RPTOR: variants seen among roughly 807,000 people sequenced by gnomAD.
The protein encoded by RPTOR is regulatory associated protein of MTOR complex 1, also known as regulatory-associated protein of mTOR.
RPTOR carries 21 observed loss-of-function variants against 169.9 expected under a neutral mutation model. That is an observed-to-expected ratio of 0.12 (90% CI 0.09 to 0.18). RPTOR has a LOEUF of 0.18. RPTOR is among the 10% of genes least tolerant of loss of function. The probability of loss-of-function intolerance (pLI) is 1.00; values close to 1 mark genes in which losing one functional copy is unlikely to be tolerated. For missense variants in RPTOR, 1,133 were observed against 1,855.9 expected, an observed-to-expected ratio of 0.61 and a Z score of 7.16; for synonymous variants, 732 against 753.2, an observed-to-expected ratio of 0.97 and a Z score of 0.46.
chr17:80,629,230 T>C (rs975746032), intron 2 of RPTOR, among the ~76,000 whole-genome samples: 7 of 151,766 alleles, frequency 4.6e-5, no homozygotes, highest in Admixed American at 4.6e-4. Context: ...AGCTCTTCCA[T>C]GTGTCTCTGT....
chr17:80,552,051 G>T (rs865868400), intron 1 of RPTOR, among the ~76,000 whole-genome samples: 1 of 152,172 alleles, frequency 6.6e-6, no homozygotes, highest in Non-Finnish European at 1.5e-5. Flanking sequence ...TGGGGGTAAG[G>T]TCATAGATTA....
At chr17:80,546,844 G>A (rs1170015371) in intron 1 of RPTOR, among the ~76,000 whole-genome samples, 2 of 152,096 alleles carry the variant, frequency 1.3e-5, no homozygotes, top group African/African-American at 2.4e-5. Context: ...AAAGGCAGGC[G>A]GATCACCTGA....
chr17:80,645,570 G>T (rs2065588945), intron 3 of RPTOR, among the ~76,000 whole-genome samples: 1 of 151,872 alleles, frequency 6.6e-6, no homozygotes, highest in African/African-American at 2.4e-5. Context: ...TGTTTTTTTT[G>T]AGTGCTAAGA....
intron 6 of RPTOR, among the ~76,000 whole-genome samples, chr17:80,789,411 A>G (rs559417159): frequency 6.6e-6 from 1 of 152,310 alleles, no homozygotes; most frequent in East Asian, 1.9e-4. Context: ...AGATGTGATC[A>G]AGCCCTGTAG....
chr17:80,799,235 G>A (rs867006433), intron 7 of RPTOR, among the ~76,000 whole-genome samples: 10 of 152,290 alleles, frequency 6.6e-5, no homozygotes, highest in African/African-American at 2.2e-4. Flanking sequence ...TTTCATTTAC[G>A]TTTTAGCAGT....
intron 3 of RPTOR, among the ~76,000 whole-genome samples, chr17:80,653,626 C>CT (rs1238427970): frequency 6.6e-6 from 1 of 152,206 alleles, no homozygotes; most frequent in East Asian, 1.9e-4. Context: ...TCATAGTGGA[C>CT]TGGGAGCTTG....
At chr17:80,666,737 T>C (rs969796667) in intron 3 of RPTOR, among the ~76,000 whole-genome samples, 1 of 152,178 alleles carries the variant, frequency 6.6e-6, no homozygotes, top group Non-Finnish European at 1.5e-5. Context: ...GCTGTAGTGG[T>C]GCAGAGCCTC....
At chr17:80,710,992 T>C (rs982061928) in intron 4 of RPTOR, among the ~76,000 whole-genome samples, 1 of 152,218 alleles carries the variant, frequency 6.6e-6, no homozygotes. Flanking sequence ...GGTATTTTGT[T>C]TGTGGAGAGT....
At chr17:80,702,097 T>C (rs1054834967) in intron 3 of RPTOR, among the ~76,000 whole-genome samples, 10 of 152,310 alleles carry the variant, frequency 6.6e-5, no homozygotes, top group African/African-American at 2.4e-4. Context: ...AGAATCTGAT[T>C]GCAGTAGCAT....
chr17:80,756,265 G>A (rs985940188), intron 6 of RPTOR, among the ~76,000 whole-genome samples: 2 of 152,298 alleles, frequency 1.3e-5, no homozygotes, highest in Non-Finnish European at 1.5e-5. Context: ...CCATGGGATG[G>A]CACAGCAAGA....
intron 28 of RPTOR, among the ~76,000 whole-genome samples, chr17:80,954,998 A>G (rs1295670088): frequency 6.6e-6 from 1 of 152,220 alleles, no homozygotes; most frequent in African/African-American, 2.4e-5. Flanking sequence ...AATCCAACAA[A>G]TGCACTTTCT....
intron 1 of RPTOR, among the ~76,000 whole-genome samples, chr17:80,585,578 C>T (rs2143386970): frequency 6.6e-6 from 1 of 152,334 alleles, no homozygotes; most frequent in South Asian, 2.1e-4. Flanking sequence ...CTGGGTCCTA[C>T]AGCCCCGGGC....
intron 1 of RPTOR, among the ~76,000 whole-genome samples, chr17:80,613,993 T>A (rs1241668889): frequency 6.6e-6 from 1 of 152,244 alleles, no homozygotes; most frequent in Non-Finnish European, 1.5e-5. Flanking sequence ...CCTCCTGGTG[T>A]TGGTGGAAGG....
intron 6 of RPTOR, among the ~76,000 whole-genome samples, chr17:80,782,305 A>G (rs1243168573): frequency 1.3e-5 from 2 of 152,250 alleles, no homozygotes; most frequent in Admixed American, 1.3e-4. Context: ...TAGAAAGAAC[A>G]AGTCAGATGG....
chr17:80,891,474 G>A lies in RPTOR; in HGVS notation c.1984-246G>A, dbSNP rs118062068. Among the ~76,000 whole-genome samples the A allele has an allele frequency of 5.1e-3, 783 of 152,358 alleles. 7 individuals are homozygous for A. Among genetic ancestry groups the A allele is most frequent in the Non-Finnish European group, 6.9e-3 (471 of 68,034 alleles). On this transcript the variant is annotated intron_variant, in intron 17 of 33. Coordinates refer to ENST00000306801, the MANE Select transcript of RPTOR (RefSeq NM_020761.3). ...CCCGATGCGTCGTGCGCCTCTAGCA[G>A]TGGGGAGGATTCTGGCAGGCATTCT...
At chr17:80,919,109 A>G (rs1049610004) in intron 21 of RPTOR, among the ~76,000 whole-genome samples, 17 of 152,230 alleles carry the variant, frequency 1.1e-4, no homozygotes, top group African/African-American at 3.9e-4. Flanking sequence ...AAATTCCTTA[A>G]GGCTTCCTTT....
intron 18 of RPTOR, among the ~76,000 whole-genome samples, chr17:80,892,412 C>T (rs752018198): frequency 2.0e-5 from 3 of 152,220 alleles, no homozygotes; most frequent in Non-Finnish European, 2.9e-5. Context: ...TGCGGCTTCC[C>T]GGGGAGCACG....
chr17:80,653,959 C>T lies in RPTOR; in HGVS notation c.348+10149C>T, dbSNP rs77123017. Reference sequence around the variant, plus strand: ...TGGATTTTCAAGATTAAATTCCCCCCACAAGAGTGTTTGATGCTTCCCTGG... The same window carrying T: ...TGGATTTTCAAGATTAAATTCCCCCTACAAGAGTGTTTGATGCTTCCCTGG... On this transcript the variant is annotated intron_variant, in intron 3 of 33. Coordinates refer to ENST00000306801, the MANE Select transcript of RPTOR (RefSeq NM_020761.3). Among the ~76,000 whole-genome samples, 15 of 152,348 alleles carry T rather than the reference C, an allele frequency of 9.8e-5. No individual in the cohort carries two copies. The East Asian group carries it at 2.9e-3, about 29-fold the overall frequency.
At chr17:80,793,183 T>A (rs910333901) in intron 7 of RPTOR, among the ~76,000 whole-genome samples, 10 of 152,186 alleles carry the variant, frequency 6.6e-5, no homozygotes, top group African/African-American at 2.4e-4. Context: ...CATTTTGGAC[T>A]TCATGTTTTC....
Sources: allele counts gnomAD v4.1 joint callset (sites outside exome capture counted in the v4.1 genomes callset), GRCh38; gene constraint gnomAD v4.1.1; transcripts MANE v1.5; gene names NCBI Gene and HGNC (gene_info 2026-07-23, HGNC 2026-07-21).